The following SYNE1 variants were observed in gnomAD, a reference collection of about 807,000 sequenced individuals.
SYNE1 encodes spectrin repeat containing nuclear envelope protein 1, also known as nesprin-1.
Under a neutral mutation model 1,111.0 loss-of-function variants are expected in SYNE1, and 616 were observed. The ratio of observed to expected loss-of-function variants is 0.55; its 90% CI spans 0.52 to 0.59. The LOEUF (loss-of-function observed/expected upper bound fraction) is 0.59. Among genes scored for constraint, SYNE1 ranks in the 20% least tolerant of loss-of-function variants. The pLI is 0.00. For missense variants in SYNE1, 10,006 were observed against 10,417.0 expected (o/e 0.96, Z 1.72); for synonymous variants, 3,855 against 3,825.8 (o/e 1.01, Z -0.28).
intron 141 of SYNE1, among the ~76,000 whole-genome samples, chr6:152,136,375 A>G (rs1347776582): frequency 1.3e-5 from 2 of 152,256 alleles, no homozygotes; most frequent in African/African-American, 4.8e-5. Context: ...CGACGGAGAT[A>G]AACATGAGGA....
chr6:152,423,690 C>A (rs1261107744), intron 39 of SYNE1, among the ~76,000 whole-genome samples: 1 of 152,174 alleles, frequency 6.6e-6, no homozygotes, highest in Non-Finnish European at 1.5e-5. Flanking sequence ...AGGCAGAACC[C>A]CAAACTCCTT....
chr6:152,217,309 T>C (rs993833301), intron 121 of SYNE1, among the ~76,000 whole-genome samples: 11 of 146,382 alleles, frequency 7.5e-5, no homozygotes, highest in Non-Finnish European at 1.5e-4. Flanking sequence ...GGCAAGAGAA[T>C]GGCGTGAACC....
At chr6:152,417,949 T>C (rs17462746) in intron 40 of SYNE1, among the ~76,000 whole-genome samples, 3,352 of 152,250 alleles carry the variant, frequency 0.022, 50 homozygotes, top group Non-Finnish European at 0.035. Flanking sequence ...AAGACTTCTG[T>C]ATAGGAAATT....
At chr6:152,477,157 G>C (rs192060179) in intron 14 of SYNE1, among the ~76,000 whole-genome samples, 3 of 152,068 alleles carry the variant, frequency 2.0e-5, no homozygotes, top group Non-Finnish European at 4.4e-5. Flanking sequence ...GCCTGAATAT[G>C]GGGAGACAAC....
chr6:152,460,516 G>C (rs2098725490), intron 21 of SYNE1, among the ~76,000 whole-genome samples: 1 of 151,392 alleles, frequency 6.6e-6, no homozygotes, highest in East Asian at 1.9e-4. Flanking sequence ...TATTTAACAG[G>C]GTCTTCTACT....
At chr6:152,618,390 C>T (rs1348081783) in intron 3 of SYNE1, among the ~76,000 whole-genome samples, 1 of 152,082 alleles carries the variant, frequency 6.6e-6, no homozygotes, top group South Asian at 2.1e-4. Context: ...ACAACGACAA[C>T]AACAAAGAAC....
At chr6:152,337,081 A>C in intron 75 of SYNE1, 64 bp from the exon 76 acceptor site, 3 of 1,540,308 alleles carry the variant, frequency 1.9e-6, no homozygotes, top group Non-Finnish European at 2.6e-6. Context: ...TTAATGAATC[A>C]GAGATGGAAC....
chr6:152,288,633 G>T (rs770185099), intron 95 of SYNE1, among the ~76,000 whole-genome samples: 1 of 152,056 alleles, frequency 6.6e-6, no homozygotes, highest in Non-Finnish European at 1.5e-5. Context: ...TGCAACCTCC[G>T]CCCCCTGAGT....
At chr6:152,160,373 C>T (rs2062216102) in intron 131 of SYNE1, among the ~76,000 whole-genome samples, 1 of 152,192 alleles carries the variant, frequency 6.6e-6, no homozygotes, top group Non-Finnish European at 1.5e-5. Context: ...CCCCTCCTGG[C>T]TCCTCCTGGA....
At chr6:152,391,176 T>C in intron 52 of SYNE1, 101 bp downstream of exon 52, 2 of 1,563,116 alleles carry the variant, frequency 1.3e-6, no homozygotes, top group Admixed American at 3.4e-5. Context: ...ACAATCCTCA[T>C]TTAGAGGCTT....
intron 95 of SYNE1, among the ~76,000 whole-genome samples, chr6:152,293,376 T>TCTCTCC (rs1380567637): frequency 6.6e-6 from 1 of 152,170 alleles, no homozygotes; most frequent in Non-Finnish European, 1.5e-5. Flanking sequence ...TGTCTCTCTC[T>TCTCTCC]CTCTCCCTCT....
chr6:152,498,004 C>T (rs1270860002), intron 11 of SYNE1, among the ~76,000 whole-genome samples: 1 of 151,998 alleles, frequency 6.6e-6, no homozygotes, highest in East Asian at 1.9e-4. Context: ...CATTTGTGTA[C>T]CATGTTCACA....
In SYNE1 at chr6:152,277,966, T is replaced by A. The variant is rs534002314; in HGVS notation, c.18573+123A>T. On this transcript the variant is annotated intron_variant, in intron 98 of 145. Transcript: ENST00000367255. ...AAAGCTGCATGCTAAAATGTCAGCG[T>A]AAAGCAGGTACACACACAAGTACGC... 6.8e-5 allele frequency: 70 copies of A among 1,023,242 alleles called. 2 individuals carry two copies. In the South Asian group the frequency reaches 8.6e-4, roughly 13 times the overall value. 63.4% of individuals were successfully genotyped at this position (1,023,242 alleles called of 1,614,324 possible). A position where few individuals can be genotyped will look rare whatever the true frequency, so the allele number is the denominator to read the frequency against.
At chr6:152,462,461 T>C (rs1463195525) in intron 20 of SYNE1, 3 of 574,186 alleles carry the variant, frequency 5.2e-6, no homozygotes, top group Non-Finnish European at 9.2e-6. Flanking sequence ...GTGCTATCTA[T>C]AGATGTCTCC....
chr6:152,512,497 CA>C (rs1326293179), intron 6 of SYNE1, among the ~76,000 whole-genome samples: 1 of 152,106 alleles, frequency 6.6e-6, no homozygotes, highest in African/African-American at 2.4e-5. Flanking sequence ...CATACATACA[CA>C]AAAAATTTAT....
At position 152,465,239 on chromosome 6, in the gene SYNE1, T is replaced by G; in HGVS notation, c.1932+19A>C. ...TACATACATCAAACGTCTTTTCTTT[T>G]TGCATGAACCAATCTTACCTTTTTG... is the stretch of plus-strand genomic sequence containing the variant. On this transcript the variant is annotated intron_variant, in intron 18 of 145. Coordinates refer to ENST00000367255, the MANE Select transcript of SYNE1 (RefSeq NM_182961.4). 6.2e-7 allele frequency: 1 copy of G among 1,612,944 alleles called. No individual in the cohort carries two copies. Among genetic ancestry groups the G allele is most frequent in the South Asian group, 1.1e-5 (1 of 91,078 alleles).
chr6:152,370,278 C>G (rs9478328), intron 59 of SYNE1, among the ~76,000 whole-genome samples: 5,349 of 152,064 alleles, frequency 0.035, 302 homozygotes, highest in African/African-American at 0.12. Context: ...TGCCTTGTCT[C>G]CAGAACTAGA....
intron 4 of SYNE1, among the ~76,000 whole-genome samples, chr6:152,534,437 G>A (rs1304062367): frequency 1.3e-5 from 2 of 151,898 alleles, no homozygotes; most frequent in Admixed American, 6.6e-5. Context: ...AATGTTTAGG[G>A]TTGACAAATT....
Position 152,518,110 on chromosome 6 carries a change from A to C in SYNE1, c.309+2349T>G, listed in dbSNP as rs141332933. Among the ~76,000 whole-genome samples, 368 of 151,764 alleles carry C rather than the reference A, an allele frequency of 2.4e-3. 5 individuals are homozygous for C. In the East Asian group the frequency reaches 0.033, roughly 13 times the overall value. The stretch of plus-strand genomic sequence containing the variant: ...ACTAACCTAAGAACATTTCAAAAAT[A>C]GTTTTTTGACTGGATACTGTAATGC... On this transcript the variant is annotated intron_variant, in intron 6 of 145. Transcript: ENST00000367255.
Sources: allele counts gnomAD v4.1 joint callset (sites outside exome capture counted in the v4.1 genomes callset), GRCh38; gene constraint gnomAD v4.1.1; transcripts MANE v1.5; gene names NCBI Gene and HGNC (gene_info 2026-07-23, HGNC 2026-07-21).